Variants in STARD13 observed in about 807,000 individuals in gnomAD.
STARD13 encodes stAR-related lipid transfer protein 13.
STARD13 carries 62 observed loss-of-function variants against 106.4 expected under a neutral mutation model. That is an observed-to-expected ratio of 0.58 (90% CI 0.48 to 0.72). STARD13 has a LOEUF of 0.72. Ranked by LOEUF, STARD13 falls within the 30% of genes least tolerant of loss-of-function variation. The pLI is 0.00. For missense variants in STARD13, 1,387 were observed against 1,424.0 expected (o/e 0.97, Z 0.42); for synonymous variants, 565 against 553.0 (o/e 1.02, Z -0.31).
intron 1 of STARD13, among the ~76,000 whole-genome samples, chr13:33,305,996 C>A (rs1892890794): frequency 6.6e-6 from 1 of 151,872 alleles, no homozygotes; most frequent in South Asian, 2.1e-4. Context: ...TGTATGGAGC[C>A]AAAAAAGAGC....
At chr13:33,311,466 C>T (rs1893135687) in intron 1 of STARD13, among the ~76,000 whole-genome samples, 1 of 152,178 alleles carries the variant, frequency 6.6e-6, no homozygotes, top group Non-Finnish European at 1.5e-5. Flanking sequence ...AATCCCAACT[C>T]GCCAACTTCA....
At chr13:33,231,077 A>G (rs1336014854) in intron 1 of STARD13, among the ~76,000 whole-genome samples, 1 of 152,208 alleles carries the variant, frequency 6.6e-6, no homozygotes, top group Non-Finnish European at 1.5e-5. Flanking sequence ...CAGTTTTAAA[A>G]CTTAAAGTCC....
the STARD13 span, among the ~76,000 whole-genome samples, chr13:33,597,683 T>TA: frequency 0.038 from 5,271 of 137,928 alleles, 225 homozygotes; most frequent in African/African-American, 0.1. Context: ...CCATCTCTAC[T>TA]AAAAAAAAAA....
the STARD13 span, among the ~76,000 whole-genome samples, chr13:33,667,906 G>A: frequency 5.5e-3 from 836 of 152,264 alleles, 11 homozygotes; most frequent in African/African-American, 0.018. Context: ...AAACAGACAC[G>A]GGCCATAGCC....
chr13:33,240,023 G>A (rs1003162624), intron 1 of STARD13, among the ~76,000 whole-genome samples: 1 of 152,050 alleles, frequency 6.6e-6, no homozygotes, highest in Non-Finnish European at 1.5e-5. Context: ...ATAGTTTTCA[G>A]GTCTTACATT....
the STARD13 span, among the ~76,000 whole-genome samples, chr13:33,397,974 G>A: frequency 6.6e-6 from 1 of 152,184 alleles, no homozygotes; most frequent in Non-Finnish European, 1.5e-5. Context: ...CTATTATCTT[G>A]GGGATAAGGA....
chr13:33,513,413 A>G, the STARD13 span, among the ~76,000 whole-genome samples: 1 of 152,166 alleles, frequency 6.6e-6, no homozygotes, highest in African/African-American at 2.4e-5. Flanking sequence ...CCTGATAGCT[A>G]TACATATTTC....
At chr13:33,434,369 A>T in the STARD13 span, among the ~76,000 whole-genome samples, 1 of 151,340 alleles carries the variant, frequency 6.6e-6, no homozygotes. Flanking sequence ...AAAAAAAAAA[A>T]AAAAGAAAGA....
chr13:33,321,805 A>G (rs1359066198), intron 1 of STARD13, among the ~76,000 whole-genome samples: 1 of 152,178 alleles, frequency 6.6e-6, no homozygotes. Flanking sequence ...CTCCTCTGAG[A>G]AGAGTTCCAT....
At chr13:33,340,178 C>G (rs1184969457) in intron 1 of STARD13, among the ~76,000 whole-genome samples, 1 of 152,158 alleles carries the variant, frequency 6.6e-6, no homozygotes, top group Non-Finnish European at 1.5e-5. Context: ...GATTGTTCTT[C>G]TAATAATAAA....
chr13:33,329,878 A>G (rs1185231740), intron 1 of STARD13, among the ~76,000 whole-genome samples: 1 of 151,644 alleles, frequency 6.6e-6, no homozygotes, highest in African/African-American at 2.4e-5. Flanking sequence ...TAATTTTTGT[A>G]TTTTTAGTAG....
At chr13:33,614,988 G>A in the STARD13 span, among the ~76,000 whole-genome samples, 1 of 152,200 alleles carries the variant, frequency 6.6e-6, no homozygotes, top group Non-Finnish European at 1.5e-5. Context: ...CAAGCTGCCA[G>A]GTGCATAAGG....
chr13:33,350,772 G>C (rs1594296601), upstream of STARD13: 17 of 615,980 alleles, frequency 2.8e-5, no homozygotes, highest in East Asian at 3.7e-4. Flanking sequence ...CCAGGAGCGC[G>C]CTTCCCCTTC....
the STARD13 span, among the ~76,000 whole-genome samples, chr13:33,385,730 C>T: frequency 6.6e-6 from 1 of 151,304 alleles, no homozygotes; most frequent in East Asian, 2.0e-4. Context: ...CGTGGTGGTG[C>T]ATGCCTGTAG....
the STARD13 span, among the ~76,000 whole-genome samples, chr13:33,461,138 G>A: frequency 3.3e-5 from 5 of 152,124 alleles, no homozygotes; most frequent in African/African-American, 7.2e-5. Flanking sequence ...TTGCTGTGTT[G>A]GACATGGCCA....
intron 3 of STARD13, among the ~76,000 whole-genome samples, chr13:33,150,644 G>T (rs1357507153): frequency 1.3e-5 from 2 of 152,186 alleles, no homozygotes; most frequent in Non-Finnish European, 2.9e-5. Flanking sequence ...GAAAACCCAT[G>T]GCACATGATG....
chr13:33,152,944 G>A (rs1051227879), intron 3 of STARD13, among the ~76,000 whole-genome samples: 10 of 152,168 alleles, frequency 6.6e-5, no homozygotes, highest in African/African-American at 2.4e-4. Flanking sequence ...TTAAGAAAGA[G>A]TAAGTGATAA....
chr13:33,454,256 C>T, the STARD13 span, among the ~76,000 whole-genome samples: 2 of 152,134 alleles, frequency 1.3e-5, no homozygotes, highest in Non-Finnish European at 2.9e-5. Flanking sequence ...GTGGGTTTGG[C>T]TCTGGGAATC....
chr13:33,465,640 C>T, the STARD13 span, among the ~76,000 whole-genome samples: 3 of 152,138 alleles, frequency 2.0e-5, no homozygotes, highest in South Asian at 4.2e-4. Flanking sequence ...CTCTGTGATC[C>T]GAACTCATAT....
Sources: gnomAD v4.1 joint callset for allele counts (sites outside exome capture counted in the v4.1 genomes callset) on GRCh38, gnomAD v4.1.1 for gene constraint, MANE v1.5 for transcripts, NCBI Gene and HGNC (gene_info 2026-07-23, HGNC 2026-07-21) for gene names.